Variants in SIAE observed in about 807,000 individuals in gnomAD.
SIAE encodes the protein sialate O-acetylesterase.
SIAE carries 39 observed loss-of-function variants against 52.6 expected under a neutral mutation model. The ratio of observed to expected loss-of-function variants is 0.74; its 90% confidence interval spans 0.57 to 0.97. The LOEUF (loss-of-function observed/expected upper bound fraction) is 0.97. Among genes scored for constraint, SIAE ranks in the 50% least tolerant of loss-of-function variants. The pLI is 0.00. For missense variants in SIAE, 592 were observed against 662.1 expected (o/e 0.89, Z 1.16); for synonymous variants, 233 against 241.4 (o/e 0.97, Z 0.32).
At chr11:124,661,786 A>G (rs574418164) in intron 2 of SIAE, among the ~76,000 whole-genome samples, 89 of 152,374 alleles carry the variant, frequency 5.8e-4, no homozygotes, top group Non-Finnish European at 1.0e-3. Context: ...TATAATTCAT[A>G]CCCATCAGAT....
intron 7 of SIAE, 140 bp from the exon 8 acceptor site, chr11:124,640,007 T>G: frequency 5.7e-6 from 6 of 1,043,626 alleles, no homozygotes; most frequent in Non-Finnish European, 7.2e-6. Context: ...CTTACTGTTG[T>G]GGCAGTGTCT....
chr11:124,654,251 AG>A, intron 4 of SIAE: 1 of 985,418 alleles, frequency 1.0e-6, no homozygotes, highest in Non-Finnish European at 1.2e-6. Flanking sequence ...ACAGTGCCTA[AG>A]GGATTAAAGA....
chr11:124,667,359 C>T (rs7941548), intron 2 of SIAE, among the ~76,000 whole-genome samples: 3 of 152,212 alleles, frequency 2.0e-5, no homozygotes, highest in Admixed American at 6.5e-5. Context: ...GCTTCCCTTT[C>T]GGTCTTTTAG....
intron 8 of SIAE, among the ~76,000 whole-genome samples, chr11:124,639,459 C>G (rs1378564385): frequency 3.9e-5 from 6 of 152,196 alleles, no homozygotes; most frequent in African/African-American, 1.4e-4. Flanking sequence ...TGCTCTGGGT[C>G]TATGAATGAT....
chr11:124,665,670 T>A (rs1310057929), intron 2 of SIAE, among the ~76,000 whole-genome samples: 1 of 152,078 alleles, frequency 6.6e-6, no homozygotes, highest in African/African-American at 2.4e-5. Flanking sequence ...AGTATGCAAA[T>A]TAGCCAGGCA....
chr11:124,657,062 G>C (rs1943113073), intron 3 of SIAE, among the ~76,000 whole-genome samples: 2 of 152,164 alleles, frequency 1.3e-5, no homozygotes, highest in Admixed American at 1.3e-4. Flanking sequence ...ATGGCCAGAT[G>C]GAAATGAGAT....
chr11:124,641,088 G>A (rs1273963019), intron 7 of SIAE, among the ~76,000 whole-genome samples: 5 of 151,792 alleles, frequency 3.3e-5, no homozygotes, highest in Admixed American at 1.3e-4. Context: ...TTACAGCTTT[G>A]TTGAGGAGGA....
chr11:124,665,606 G>A (rs762881866), intron 2 of SIAE, among the ~76,000 whole-genome samples: 10 of 152,166 alleles, frequency 6.6e-5, no homozygotes, highest in South Asian at 2.1e-4. Flanking sequence ...TAGTAAAAGC[G>A]TGTTGTTTTA....
At chr11:124,655,172 TTC>T (rs1264067392) in intron 3 of SIAE, among the ~76,000 whole-genome samples, 2 of 142,112 alleles carry the variant, frequency 1.4e-5, no homozygotes, top group Non-Finnish European at 2.9e-5. Flanking sequence ...AATTAACTTC[TTC>T]TTTTTTTTTT....
At chr11:124,654,067 C>G in intron 4 of SIAE, 1 of 224,894 alleles carries the variant, frequency 4.4e-6, no homozygotes, top group Non-Finnish European at 7.4e-6. Flanking sequence ...GTCCCAGCTA[C>G]TCGGGAGGCT....
intron 4 of SIAE, among the ~76,000 whole-genome samples, chr11:124,650,531 G>C (rs1359575467): frequency 6.6e-6 from 1 of 152,224 alleles, no homozygotes; most frequent in Non-Finnish European, 1.5e-5. Flanking sequence ...CCAGCACTTT[G>C]AGAGAATGAG....
At chr11:124,658,787 G>A (rs1358130260) in intron 3 of SIAE, 2 of 151,798 alleles carry the variant, frequency 1.3e-5, no homozygotes, top group South Asian at 2.1e-4. Flanking sequence ...AGAAAGACTC[G>A]TGTGTGTATG....
At chr11:124,664,552 A>G (rs528283966) in intron 2 of SIAE, among the ~76,000 whole-genome samples, 4 of 152,032 alleles carry the variant, frequency 2.6e-5, no homozygotes, top group East Asian at 1.9e-4. Flanking sequence ...CCTATTTCTT[A>G]TTGTTGCTCT....
At chr11:124,639,360 G>T (rs1942805324) in intron 8 of SIAE, among the ~76,000 whole-genome samples, 1 of 152,194 alleles carries the variant, frequency 6.6e-6, no homozygotes, top group African/African-American at 2.4e-5. Context: ...AGTGCAATGT[G>T]AGCAGAAATG....
chr11:124,644,470 A>G (rs775260636), intron 7 of SIAE, among the ~76,000 whole-genome samples: 1 of 152,090 alleles, frequency 6.6e-6, no homozygotes, highest in Non-Finnish European at 1.5e-5. Context: ...TCTTGCAGCA[A>G]TTCACTTTTT....
intron 2 of SIAE, among the ~76,000 whole-genome samples, chr11:124,667,414 A>G (rs995007214): frequency 5.9e-5 from 9 of 152,174 alleles, no homozygotes; most frequent in African/African-American, 2.2e-4. Context: ...AAAACCCAAG[A>G]ATTAGAAGCA....
At chr11:124,648,731 G>A (rs1340434456) in intron 5 of SIAE, among the ~76,000 whole-genome samples, 1 of 145,964 alleles carries the variant, frequency 6.9e-6, no homozygotes, top group East Asian at 2.0e-4. Context: ...AATTTATCCT[G>A]TAGCTGCTGC....
chr11:124,669,352 T>A lies in SIAE; in HGVS notation c.229+8A>T, dbSNP rs1445327125. ...GGCAATAGCTGAACGGAAGATGGGC[T>A]GCCTTACCTTTCACACTGGTCACTT... On this transcript the variant is annotated splice_region_variant and intron_variant, in intron 2 of 9. Coordinates refer to ENST00000263593, the MANE Select transcript of SIAE (RefSeq NM_170601.5). 1 of 1,614,132 alleles carries A rather than the reference T, an allele frequency of 6.2e-7. No individual in the cohort carries two copies. Among genetic ancestry groups the A allele is most frequent in the South Asian group, 1.1e-5 (1 of 91,078 alleles).
At position 124,638,581 on chromosome 11, in the gene SIAE, C is replaced by T. The variant is rs1942789767; in HGVS notation, c.1281G>A (p.Gln427=). 1 of 1,614,156 alleles carries T rather than the reference C, an allele frequency of 6.2e-7. No individual in the cohort carries two copies. The highest frequency in any genetic ancestry group is 8.5e-7 in the Non-Finnish European group (1 of 1,180,002). ...TGTCCTTTTTCTGCACCTGGATTTG[C>T]TGGTAATATGTGAGATTGAGCAGCC... The part of the protein sequence containing the change: ...HKGLLNLTYY[Q]QIQVQKKDNK... Residue 427 remains glutamine, a synonymous_variant, in exon 9 of 10, where the codon CAG becomes CAA. Transcript: ENST00000263593.
Sources: allele counts gnomAD v4.1 joint callset (sites outside exome capture counted in the v4.1 genomes callset), GRCh38; gene constraint gnomAD v4.1.1; transcripts MANE v1.5; gene names NCBI Gene and HGNC (gene_info 2026-07-23, HGNC 2026-07-21).